Variants in ATP13A4 observed in about 807,000 individuals in gnomAD.
ATP13A4 encodes the protein probable cation-transporting ATPase 13A4.
In ATP13A4, 114 loss-of-function variants were observed where a neutral mutation model predicts 142.5. The observed-to-expected ratio is 0.80, with a 90% CI of 0.69 to 0.93. ATP13A4 has a LOEUF of 0.93. Ranked by LOEUF, ATP13A4 falls within the 40% of genes least tolerant of loss-of-function variation. The probability of loss-of-function intolerance (pLI) is 0.00; values close to 1 mark genes in which losing one functional copy is unlikely to be tolerated. For synonymous variants in ATP13A4, 488 were observed against 514.8 expected (o/e 0.95, Z 0.70); for missense variants, 1,392 against 1,454.0 (o/e 0.96, Z 0.69).
At position 193,418,100 on chromosome 3, in the gene ATP13A4, C is replaced by T. The variant is rs1453113895; in HGVS notation, c.2843-3350G>A. Reference sequence around the variant, plus strand: ...TCCCGCCACTGCACTCCAGCCTGGGCGACAGAGCGAGACTCCGTCTCAAAA... The same window carrying T: ...TCCCGCCACTGCACTCCAGCCTGGGTGACAGAGCGAGACTCCGTCTCAAAA... On this transcript the variant is annotated intron_variant, in intron 25 of 29. Coordinates refer to ENST00000342695, the MANE Select transcript of ATP13A4 (RefSeq NM_032279.4). Among the ~76,000 whole-genome samples the T allele has an allele frequency of 3.0e-3, 300 of 101,652 alleles. 8 individuals carry two copies. Among genetic ancestry groups the T allele is most frequent in the Admixed American group, 8.6e-3 (58 of 6,726 alleles). The allele number at this position is 101,652 out of a possible 152,430, so 66.7% of individuals were successfully genotyped here. A position where few individuals can be genotyped will look rare whatever the true frequency, so the allele number is the denominator to read the frequency against.
intron 2 of ATP13A4, among the ~76,000 whole-genome samples, chr3:193,568,594 A>G (rs1724191942): frequency 6.6e-6 from 1 of 152,200 alleles, no homozygotes. Flanking sequence ...TTCATAAATG[A>G]TAACATGAGT....
chr3:193,435,848 C>T (rs1716237665), intron 23 of ATP13A4, 104 bp from the exon 24 acceptor site: 1 of 969,188 alleles, frequency 1.0e-6, no homozygotes, highest in African/African-American at 1.6e-5. Context: ...AATCAAAAGT[C>T]ATTATACGAC....
intron 1 of ATP13A4, among the ~76,000 whole-genome samples, chr3:193,520,106 AC>A (rs1721640901): frequency 6.6e-6 from 1 of 152,184 alleles, no homozygotes; most frequent in African/African-American, 2.4e-5. Context: ...CTCAATAAAT[AC>A]TTGCTGAATC....
At chr3:193,434,867 C>T in intron 24 of ATP13A4, among the ~76,000 whole-genome samples, 1 of 152,096 alleles carries the variant, frequency 6.6e-6, no homozygotes, top group South Asian at 2.1e-4. Flanking sequence ...TTTCACATCC[C>T]TATATTCAGG....
At chr3:193,465,867 A>G (rs892679412) in intron 11 of ATP13A4, among the ~76,000 whole-genome samples, 158 bp downstream of exon 11, 2 of 152,220 alleles carry the variant, frequency 1.3e-5, no homozygotes, top group Non-Finnish European at 2.9e-5. Flanking sequence ...TTAGTGATCA[A>G]TTGCTGACTG....
At chr3:193,458,844 C>T in intron 14 of ATP13A4, 1 of 623,154 alleles carries the variant, frequency 1.6e-6, no homozygotes, top group South Asian at 1.9e-5. Flanking sequence ...AGGCATAGTG[C>T]CAAGGATTTT....
intron 7 of ATP13A4, among the ~76,000 whole-genome samples, chr3:193,485,371 G>A (rs766424414): frequency 6.6e-6 from 1 of 152,146 alleles, no homozygotes; most frequent in Non-Finnish European, 1.5e-5. Flanking sequence ...AGTGGCCTGA[G>A]GATTCCTGGG....
chr3:193,442,406 A>G lies in ATP13A4; in HGVS notation c.2303T>C (p.Met768Thr), dbSNP rs1032913791. 6.2e-6 allele frequency: 10 copies of G among 1,614,044 alleles called. No individual in the cohort carries two copies. Among genetic ancestry groups the G allele is most frequent in the Non-Finnish European group, 8.5e-6 (10 of 1,179,892 alleles). The change falls in exon 19 of 30, where the codon ATG becomes ACG. Residue 768 changes from methionine (M) to threonine (T), a missense_variant. Physicochemically the swap from Met to Thr is moderately conservative, Grantham distance 81. Transcript: ENST00000342695. Reference sequence around the variant, plus strand: ...GTTCAGGAGTACCTGATTCCCATACATAATGTGTTTCTTCTCTTCTACTAA... The same window carrying G: ...GTTCAGGAGTACCTGATTCCCATACGTAATGTGTTTCTTCTCTTCTACTAA... Reference protein sequence around the residue: ...WTLVEEKKHIMYGNQDNYINI... With the variant: ...WTLVEEKKHITYGNQDNYINI...
At position 193,502,608 on chromosome 3, in the gene ATP13A4, A is replaced by G. The variant is rs1393561450; in HGVS notation, c.266T>C (p.Val89Ala). 3.1e-6 allele frequency: 5 copies of G among 1,613,870 alleles called. No homozygotes were observed. The highest frequency in any genetic ancestry group is 3.3e-5 in the Admixed American group (2 of 59,996). Reference sequence around the variant, plus strand: ...TAATGCTGACAGGTAGATCCATATTACCTTTTTCCAAGAGTAAATTTGGAA... The same window carrying G: ...TAATGCTGACAGGTAGATCCATATTGCCTTTTTCCAAGAGTAAATTTGGAA... ...DEFQIYSWKKVIWIYLSALNS... is the reference protein window; with the variant it reads ...DEFQIYSWKKAIWIYLSALNS... Residue 89 changes from valine (V) to alanine (A), a missense_variant, in exon 3 of 30, where the codon GTA becomes GCA. By Grantham distance (64) the Val-to-Ala change is moderately conservative (BLOSUM62 0). Coordinates refer to ENST00000342695, the MANE Select transcript of ATP13A4 (RefSeq NM_032279.4).
intron 10 of ATP13A4, among the ~76,000 whole-genome samples, chr3:193,466,887 T>C (rs1467556329): frequency 6.6e-6 from 1 of 152,190 alleles, no homozygotes; most frequent in African/African-American, 2.4e-5. Flanking sequence ...GATTTATATA[T>C]ATATGATGTG....
chr3:193,459,624 G>C (rs1052703793), intron 13 of ATP13A4, among the ~76,000 whole-genome samples: 1 of 152,046 alleles, frequency 6.6e-6, no homozygotes, highest in East Asian at 1.9e-4. Flanking sequence ...TTTTTAGCAA[G>C]GATGGGGTTT....
chr3:193,567,430 T>G (rs1258502341), intron 2 of ATP13A4, among the ~76,000 whole-genome samples: 1 of 152,196 alleles, frequency 6.6e-6, no homozygotes, highest in Admixed American at 6.5e-5. Context: ...TATAGCATCA[T>G]GTAGTTAAGT....
intron 17 of ATP13A4, among the ~76,000 whole-genome samples, chr3:193,451,762 T>C (rs1395862214): frequency 6.6e-6 from 1 of 152,202 alleles, no homozygotes; most frequent in Non-Finnish European, 1.5e-5. Context: ...GAAGAGATTA[T>C]GATACCAATG....
intron 25 of ATP13A4, among the ~76,000 whole-genome samples, chr3:193,426,979 C>CATAA (rs758085444): frequency 2.4e-4 from 36 of 151,904 alleles, no homozygotes; most frequent in Admixed American, 9.8e-4. Context: ...CAAACAAATA[C>CATAA]ATAAATAAAT....
At position 193,438,547 on chromosome 3, in the gene ATP13A4, T is replaced by G. The variant is rs751766426; in HGVS notation, c.2600A>C (p.Glu867Ala). ...AGGTGAGGCCACAGATGCCTCCTGC[T>G]CTGATAATGAGATGCCCACATGAGC... ...KMAHVGISLS[E>A]QEASVASPFT... Residue 867 changes from glutamate (E) to alanine (A), a missense_variant, in exon 23 of 30, where the codon GAG becomes GCG. Physicochemically the swap from Glu to Ala is moderately radical, Grantham distance 107 (BLOSUM62 -1). Transcript: ENST00000342695. 1 of 1,614,148 alleles carries G rather than the reference T, an allele frequency of 6.2e-7. No homozygotes were observed. The highest frequency in any genetic ancestry group is 8.5e-7 in the Non-Finnish European group (1 of 1,180,024).
intron 2 of ATP13A4, among the ~76,000 whole-genome samples, chr3:193,577,102 G>T: frequency 6.6e-6 from 1 of 152,150 alleles, no homozygotes; most frequent in African/African-American, 2.4e-5. Context: ...CTCCTAAGAG[G>T]CCTCCTGGTT....
At chr3:193,441,623 C>T in intron 19 of ATP13A4, 35 bp from the exon 20 acceptor site, 1 of 1,608,432 alleles carries the variant, frequency 6.2e-7, no homozygotes, top group Non-Finnish European at 8.5e-7. Flanking sequence ...TAGACTCTTT[C>T]ATTTGACAGA....
chr3:193,561,486 G>C lies in ATP13A4; in HGVS notation n.291+20221C>G, dbSNP rs533154654. 2.0e-5 allele frequency among the ~76,000 whole-genome samples: 3 copies of C among 152,344 alleles called. No homozygotes were observed. The South Asian group carries it at 6.2e-4, about 32-fold the overall frequency. On this transcript the variant is annotated intron_variant and non_coding_transcript_variant, in intron 2 of 3. Coordinates refer to the ATP13A4 transcript ENST00000489140. ...GAGACTCTCAAGTGGATCAATCAATGATATTTTGAGAGAGGGGTGAAACTG... is the reference window on the plus strand; with the variant it reads ...GAGACTCTCAAGTGGATCAATCAATCATATTTTGAGAGAGGGGTGAAACTG...
In ATP13A4 at chr3:193,483,940, T is replaced by A; in HGVS notation, c.804A>T (p.Arg268Ser). 6.3e-7 allele frequency: 1 copy of A among 1,592,288 alleles called. No homozygotes were observed. Among genetic ancestry groups the A allele is most frequent in the South Asian group, 1.1e-5 (1 of 90,608 alleles). Residue 268 changes from arginine to serine, a missense_variant, in exon 8 of 30, where the codon AGA (arginine) becomes AGT (serine). Arg to Ser is a moderately radical substitution (Grantham distance 110, BLOSUM62 -1). Coordinates refer to ENST00000342695, the MANE Select transcript of ATP13A4 (RefSeq NM_032279.4). ...ATCTAAAATAATGGAACTTACCTTT[T>A]CTCCCACATACAGAGACCGTAATGC... ...HNSITVSVCG[R>S]KAGVQELESR...
Sources: gnomAD v4.1 joint callset for allele counts (sites outside exome capture counted in the v4.1 genomes callset) on GRCh38, gnomAD v4.1.1 for gene constraint, MANE v1.5 for transcripts, NCBI Gene and HGNC (gene_info 2026-07-23, HGNC 2026-07-21) for gene names.